The following TMEM132B variants were observed in gnomAD, a reference collection of about 807,000 sequenced individuals.
The protein encoded by TMEM132B is transmembrane protein 132B.
A neutral mutation model predicts 90.8 loss-of-function variants in TMEM132B; 18 were observed. That is an observed-to-expected ratio of 0.20 (90% CI 0.14 to 0.29). The LOEUF is 0.29. Among genes scored for constraint, TMEM132B ranks in the 10% least tolerant of loss-of-function variants. The probability of loss-of-function intolerance (pLI) is 1.00; values close to 1 mark genes in which losing one functional copy is unlikely to be tolerated. For missense variants in TMEM132B, 1,096 were observed against 1,326.8 expected, an observed-to-expected ratio of 0.83 and a Z score of 2.70; for synonymous variants, 504 against 523.3, an observed-to-expected ratio of 0.96 and a Z score of 0.50.
At chr12:125,516,025 A>G (rs1278520085) in intron 3 of TMEM132B, among the ~76,000 whole-genome samples, 1 of 151,156 alleles carries the variant, frequency 6.6e-6, no homozygotes, top group Non-Finnish European at 1.5e-5. Context: ...ACTCCCACAC[A>G]CTCTCACACC....
At chr12:125,430,632 C>T (rs141808079) in intron 3 of TMEM132B, among the ~76,000 whole-genome samples, 146 of 152,272 alleles carry the variant, frequency 9.6e-4, no homozygotes, top group Admixed American at 1.5e-3. Flanking sequence ...GTCTTCACGA[C>T]GGTCATCTCT....
At chr12:125,640,763 C>T (rs765559781) in intron 5 of TMEM132B, among the ~76,000 whole-genome samples, 2 of 152,068 alleles carry the variant, frequency 1.3e-5, no homozygotes, top group African/African-American at 2.4e-5. Context: ...CTCATGGCAC[C>T]CACCTCGTGG....
At chr12:125,404,534 A>C (rs935834377) in intron 2 of TMEM132B, among the ~76,000 whole-genome samples, 1 of 152,188 alleles carries the variant, frequency 6.6e-6, no homozygotes, top group South Asian at 2.1e-4. Flanking sequence ...TAGGAAATTA[A>C]TAATAGCTAA....
chr12:125,222,501 C>G (rs1337519021), intron 1 of TMEM132B, among the ~76,000 whole-genome samples: 1 of 151,188 alleles, frequency 6.6e-6, no homozygotes, highest in Non-Finnish European at 1.5e-5. Flanking sequence ...GGACTCCATA[C>G]AGCAATATGG....
intron 3 of TMEM132B, among the ~76,000 whole-genome samples, chr12:125,479,000 C>G (rs1221985076): frequency 6.6e-6 from 1 of 152,172 alleles, no homozygotes; most frequent in African/African-American, 2.4e-5. Flanking sequence ...AATTTCATAT[C>G]CAGCCAAACT....
At chr12:125,389,497 T>C (rs1005915959) in intron 2 of TMEM132B, among the ~76,000 whole-genome samples, 1 of 152,176 alleles carries the variant, frequency 6.6e-6, no homozygotes, top group Non-Finnish European at 1.5e-5. Flanking sequence ...GCTTGAATGC[T>C]GGCTCTGGCT....
At chr12:125,257,811 A>C (rs1013982889) in intron 1 of TMEM132B, among the ~76,000 whole-genome samples, 2 of 152,210 alleles carry the variant, frequency 1.3e-5, no homozygotes, top group Non-Finnish European at 2.9e-5. Context: ...ATGTGGCCAC[A>C]AGCCAAGGAA....
chr12:125,205,001 G>A (rs1593040649), intron 1 of TMEM132B, among the ~76,000 whole-genome samples: 1 of 110,416 alleles, frequency 9.1e-6, no homozygotes, highest in Non-Finnish European at 1.9e-5. Context: ...CTCTTTATGT[G>A]GAGTATCTCA....
intron 4 of TMEM132B, among the ~76,000 whole-genome samples, chr12:125,573,899 A>T (rs763871053): frequency 1.3e-5 from 2 of 152,144 alleles, no homozygotes; most frequent in Non-Finnish European, 2.9e-5. Context: ...TGGAAAAAAA[A>T]TTTTTTATAG....
intron 1 of TMEM132B, among the ~76,000 whole-genome samples, chr12:125,282,804 T>TGGTGCATTCTGAGCTCTG (rs1288733226): frequency 2.6e-5 from 4 of 152,202 alleles, no homozygotes; most frequent in Non-Finnish European, 5.9e-5. Flanking sequence ...TGTGTGTGCC[T>TGGTGCATTCTGAGCTCTG]GGTGCATTCT....
intron 1 of TMEM132B, among the ~76,000 whole-genome samples, chr12:125,191,828 C>G (rs929086232): frequency 1.2e-4 from 19 of 152,124 alleles, no homozygotes; most frequent in Non-Finnish European, 2.6e-4. Flanking sequence ...CTGGTTTATC[C>G]CCTTGGCCAC....
intron 5 of TMEM132B, among the ~76,000 whole-genome samples, chr12:125,613,709 G>T (rs777664952): frequency 6.6e-6 from 1 of 151,766 alleles, no homozygotes; most frequent in Non-Finnish European, 1.5e-5. Context: ...TGCTATATTT[G>T]TTATAGATAT....
intron 3 of TMEM132B, among the ~76,000 whole-genome samples, chr12:125,486,145 A>G (rs541101649): frequency 1.8e-4 from 28 of 152,336 alleles, no homozygotes; most frequent in African/African-American, 6.7e-4. Flanking sequence ...AGACCTGTCC[A>G]GTTAAAATAA....
rs1593072423 is a variant in TMEM132B, at chr12:125,292,830, A to G, written c.68-56622A>G. Among the ~76,000 whole-genome samples the G allele has an allele frequency of 2.6e-5, 4 of 152,298 alleles. No individual in the cohort carries two copies. In the South Asian group the frequency reaches 8.3e-4, roughly 32 times the overall value. ...CTCACTGGATTTCCTTGGATCATGT[A>G]CCTGCCTCTGAACTCATTCAGTGGC... On this transcript the variant is annotated intron_variant, in intron 1 of 8. Coordinates refer to ENST00000682704, the MANE Select transcript of TMEM132B (RefSeq NM_001366854.1).
At chr12:125,199,691 T>A (rs1442804242) in intron 1 of TMEM132B, among the ~76,000 whole-genome samples, 1 of 152,222 alleles carries the variant, frequency 6.6e-6, no homozygotes, top group Non-Finnish European at 1.5e-5. Flanking sequence ...CATGAAGTAC[T>A]TATGGACTCT....
intron 1 of TMEM132B, among the ~76,000 whole-genome samples, chr12:125,330,633 G>T (rs1347229879): frequency 6.6e-6 from 1 of 152,190 alleles, no homozygotes; most frequent in Admixed American, 6.5e-5. Flanking sequence ...AGAGGGCAGA[G>T]GCCTTTCTGT....
intron 1 of TMEM132B, among the ~76,000 whole-genome samples, chr12:125,264,476 G>A (rs1178167536): frequency 6.6e-6 from 1 of 152,216 alleles, no homozygotes; most frequent in African/African-American, 2.4e-5. Context: ...AGCCTGGAGG[G>A]GCCCAAGCGA....
Position 125,238,253 on chromosome 12 carries a change from T to C in TMEM132B, c.67+51387T>C, listed in dbSNP as rs1038868398. ...AGATGGTCCCAGCTACTTGGGAGGC[T>C]GAGGCAGGAGAATGGCGTGAACCTG... On this transcript the variant is annotated intron_variant, in intron 1 of 8. Coordinates refer to ENST00000682704, the MANE Select transcript of TMEM132B (RefSeq NM_001366854.1). Among the ~76,000 whole-genome samples, 4 of 150,400 alleles carry C rather than the reference T, an allele frequency of 2.7e-5. No homozygotes were observed. The Admixed American group carries it at 2.7e-4, about 10-fold the overall frequency.
chr12:125,507,587 G>T (rs1480949957), intron 3 of TMEM132B, among the ~76,000 whole-genome samples: 1 of 152,056 alleles, frequency 6.6e-6, no homozygotes, highest in Non-Finnish European at 1.5e-5. Flanking sequence ...CCAGGTAGAG[G>T]CATGAGCTAG....
Sources: gnomAD v4.1 joint callset for allele counts (sites outside exome capture counted in the v4.1 genomes callset) on GRCh38, gnomAD v4.1.1 for gene constraint, MANE v1.5 for transcripts, NCBI Gene and HGNC (gene_info 2026-07-23, HGNC 2026-07-21) for gene names.